KLF2: variants seen among roughly 807,000 people sequenced by gnomAD.
KLF2 encodes Krueppel-like factor 2.
Under a neutral mutation model 22.2 loss-of-function variants are expected in KLF2, and 9 were observed. The observed-to-expected ratio is 0.40, with a 90% CI of 0.24 to 0.71. The LOEUF is 0.71. KLF2 is among the 30% of genes least tolerant of loss of function. KLF2 has a pLI of 0.35. For synonymous variants in KLF2, 299 were observed against 264.2 expected, an observed-to-expected ratio of 1.13 and a Z score of -1.28; for missense variants, 481 against 542.1, an observed-to-expected ratio of 0.89 and a Z score of 1.12.
intron 2 of KLF2, 100 bp downstream of exon 2, chr19:16,326,132 G>C: frequency 1.7e-6 from 2 of 1,199,590 alleles, no homozygotes; most frequent in Non-Finnish European, 2.3e-6. Flanking sequence ...ACCTCCCTTG[G>C]GGCGTGGCTC....
chr19:16,325,285 C>G lies in KLF2; in HGVS notation c.145C>G (p.Leu49Val). ...CCTCAACAGCGTGCTGGACTTCATC[C>G]TGTCCATGGGGCTGGATGGCCTGGG... Reference protein sequence around the residue: ...DDLNSVLDFILSMGLDGLGAE... With the variant: ...DDLNSVLDFIVSMGLDGLGAE... The change falls in exon 2 of 3, where the codon CTG (leucine) becomes GTG (valine). Residue 49 changes from leucine to valine, a missense_variant. Physicochemically the swap from Leu to Val is conservative, Grantham distance 32. Around this residue, in one of 2 missense-constraint regions of KLF2, gnomAD observed 421 missense variants for 435.1 expected, o/e 0.97. Coordinates refer to ENST00000248071, the MANE Select transcript of KLF2 (RefSeq NM_016270.4). The G allele has an allele frequency of 6.5e-7, 1 of 1,536,392 alleles. No homozygotes were observed. The highest frequency in any genetic ancestry group is 8.7e-7 in the Non-Finnish European group (1 of 1,146,302).
At position 16,324,859 on chromosome 19, in the gene KLF2, A is replaced by G; in HGVS notation, c.-65A>G. The G allele has an allele frequency of 7.3e-7, 1 of 1,364,426 alleles. No homozygotes were observed. The highest frequency in any genetic ancestry group is 1.0e-6 in the Non-Finnish European group (1 of 996,750). The allele number at this position is 1,364,426 out of a possible 1,614,324, so 84.5% of individuals were successfully genotyped here. A position where few individuals can be genotyped will look rare whatever the true frequency, so the allele number is the denominator to read the frequency against. On this transcript the variant is annotated 5_prime_UTR_variant, in exon 1 of 3. Transcript: ENST00000248071. The stretch of plus-strand genomic sequence containing the variant: ...GTCCCCGCCCGCCCGCGCCCCGACC[A>G]GCCCGGCCTCGGGCAGCCACTCACC...
Position 16,325,648 on chromosome 19 carries a change from C to T in KLF2, c.508C>T (p.Pro170Ser). 1 of 1,073,034 alleles carries T rather than the reference C, an allele frequency of 9.3e-7. No individual in the cohort carries two copies. The highest frequency in any genetic ancestry group is 1.1e-6 in the Non-Finnish European group (1 of 890,592). 66.5% of individuals were successfully genotyped at this position (1,073,034 alleles called of 1,614,324 possible). A position where few individuals can be genotyped will look rare whatever the true frequency, so the allele number is the denominator to read the frequency against. ...AGGTCCCGGGGGCCGCCCCCCGCCG[C>T]CGCCCGACACACCGCCGCTCAGCCC... ...MRGPGGRPPP[P>S]PDTPPLSPDG... is the part of the protein sequence containing the mutation. Residue 170 changes from proline to serine, a missense_variant, in exon 2 of 3, where the codon CCG (proline) becomes TCG (serine). Physicochemically the swap from Pro to Ser is moderately conservative, Grantham distance 74. Transcript: ENST00000248071.
rs2091896695 is a variant in KLF2, at chr19:16,328,487, C to T, written c.*1456C>T. 1.3e-5 allele frequency among the ~76,000 whole-genome samples: 2 copies of T among 152,120 alleles called. No individual in the cohort carries two copies. Among genetic ancestry groups the T allele is most frequent in the South Asian group, 2.1e-4 (1 of 4,824 alleles). On this transcript the variant is annotated 3_prime_UTR_variant, in exon 3 of 3. Transcript: ENST00000248071. ...AAGTTTCCAGAAAGTGAAAATAGCT[C>T]GTAAGCAGCGCCTGCTTTAAAACAC...
Position 16,325,806 on chromosome 19 carries a change from C to A in KLF2, c.666C>A (p.Phe222Leu). 1 of 1,348,940 alleles carries A rather than the reference C, an allele frequency of 7.4e-7. No homozygotes were observed. Among genetic ancestry groups the A allele is most frequent in the South Asian group, 1.8e-5 (1 of 54,794 alleles). The allele number at this position is 1,348,940 out of a possible 1,614,324, so 83.6% of individuals were successfully genotyped here. The change falls in exon 2 of 3, where the codon TTC (phenylalanine) becomes TTA (leucine). Residue 222 changes from phenylalanine to leucine, a missense_variant. Around this residue, in one of 2 missense-constraint regions of KLF2, gnomAD observed 421 missense variants for 435.1 expected, o/e 0.97. Transcript: ENST00000248071. ...CTGCGCCCCCAGCCTTCGGTCTCTTCGACGACGCGGCCGCCGCCGCGGCAG... is the reference window on the plus strand; with the variant it reads ...CTGCGCCCCCAGCCTTCGGTCTCTTAGACGACGCGGCCGCCGCCGCGGCAG... ...APPAPPAFGL[F>L]DDAAAAAAAL...
chr19:16,328,464 G>T lies in KLF2; in HGVS notation c.*1433G>T, dbSNP rs553931914. ...ACCATGACCACCAACCATTGCACAA[G>T]TTTCCAGAAAGTGAAAATAGCTCGT... On this transcript the variant is annotated 3_prime_UTR_variant, in exon 3 of 3. Coordinates refer to ENST00000248071, the MANE Select transcript of KLF2 (RefSeq NM_016270.4). Among the ~76,000 whole-genome samples the T allele has an allele frequency of 6.6e-6, 1 of 152,142 alleles. No individual in the cohort carries two copies. The highest frequency in any genetic ancestry group is 2.1e-4 in the South Asian group (1 of 4,816).
chr19:16,326,983 C>G lies in KLF2; in HGVS notation c.1020C>G (p.Ala340=), dbSNP rs763410899. 1.2e-6 allele frequency: 2 copies of G among 1,612,880 alleles called. No individual in the cohort carries two copies. Among genetic ancestry groups the G allele is most frequent in the Non-Finnish European group, 1.7e-6 (2 of 1,179,714 alleles). Residue 340 remains alanine (A), a synonymous_variant, in exon 3 of 3, where the codon GCC becomes GCG. Transcript: ENST00000248071. ...TCCAGTGCCATCTGTGCGATCGTGC[C>G]TTCTCGCGCTCCGATCACCTGGCGC... is the stretch of plus-strand genomic sequence containing the variant. The part of the protein sequence containing the change: ...RPFQCHLCDR[A]FSRSDHLALH...
intron 2 of KLF2, 100 bp from the exon 3 acceptor site, chr19:16,326,756 G>T (rs1368871102): frequency 8.2e-7 from 1 of 1,220,250 alleles, no homozygotes; most frequent in Non-Finnish European, 1.1e-6. Flanking sequence ...CGGGGAGCGC[G>T]TCAAGGCCCT....
At position 16,325,430 on chromosome 19, in the gene KLF2, G is replaced by C; in HGVS notation, c.290G>C (p.Arg97Pro). The change falls in exon 2 of 3, where the codon CGA becomes CCA. Residue 97 changes from arginine to proline, a missense_variant. By Grantham distance (103) the Arg-to-Pro change is moderately radical. This residue lies in a region of KLF2 where 421 missense variants were observed against 435.1 expected (regional missense o/e 0.97). Transcript: ENST00000248071. Reference protein sequence around the residue: ...PAGGLVSELLRPELDAPLGPA... With the variant: ...PAGGLVSELLPPELDAPLGPA... ...GGTGGCCTGGTGTCTGAGCTGCTGC[G>C]ACCCGAGCTGGATGCGCCGCTGGGG... is the stretch of plus-strand genomic sequence containing the variant. 2 of 1,418,332 alleles carry C rather than the reference G, an allele frequency of 1.4e-6. No individual in the cohort carries two copies. The highest frequency in any genetic ancestry group is 1.8e-6 in the Non-Finnish European group (2 of 1,095,756). The allele number at this position is 1,418,332 out of a possible 1,614,324, so 87.9% of individuals were successfully genotyped here.
At position 16,324,973 on chromosome 19, in the gene KLF2, C is replaced by T; in HGVS notation, c.50C>T (p.Pro17Leu). The T allele has an allele frequency of 2.5e-6, 4 of 1,601,596 alleles. No homozygotes were observed. Among genetic ancestry groups the T allele is most frequent in the Non-Finnish European group, 3.4e-6 (4 of 1,175,180 alleles). ...CCGTCCTTCTCCACTTTCGCCAGCC[C>T]GTGCCGCGAGCGCGGCCTGCAGGAG... ...ILPSFSTFAS[P>L]CRERGLQERW... is the part of the protein sequence containing the mutation. The change falls in exon 1 of 3, where the codon CCG (proline) becomes CTG (leucine). Residue 17 changes from proline (P) to leucine (L), a missense_variant. Pro to Leu is a moderately conservative substitution (Grantham distance 98, BLOSUM62 -3). Transcript: ENST00000248071.
At chr19:16,326,391 G>T (rs974592200) in intron 2 of KLF2, among the ~76,000 whole-genome samples, 1 of 152,042 alleles carries the variant, frequency 6.6e-6, no homozygotes, top group Admixed American at 6.6e-5. Context: ...GAGCCGCTGG[G>T]CACTTGGCTC....
Position 16,327,044 on chromosome 19 carries a change from CG to C in KLF2, c.*14del. 2 of 1,555,128 alleles carry C rather than the reference CG, an allele frequency of 1.3e-6. No individual in the cohort carries two copies. Among genetic ancestry groups the C allele is most frequent in the Non-Finnish European group, 1.7e-6 (2 of 1,148,578 alleles). On this transcript the variant is annotated 3_prime_UTR_variant, in exon 3 of 3. Transcript: ENST00000248071. ...ACGGCACATGTAGCCGGGACGCCCC[CG>C]CCCACCTGCGCGCGGCCGTGGCGGG... is the stretch of plus-strand genomic sequence containing the variant.
Position 16,327,492 on chromosome 19 carries a change from G to T in KLF2, c.*461G>T. 6.5e-6 allele frequency: 1 copy of T among 152,838 alleles called. No homozygotes were observed. The allele number at this position is 152,838 out of a possible 1,614,324, so 9.5% of individuals were successfully genotyped here. A position where few individuals can be genotyped will look rare whatever the true frequency, so the allele number is the denominator to read the frequency against. On this transcript the variant is annotated 3_prime_UTR_variant, in exon 3 of 3. Coordinates refer to ENST00000248071, the MANE Select transcript of KLF2 (RefSeq NM_016270.4). ...CGTTTTTATAAGATTTTGCTGGGTTGGTTTTTTTTTTAATTAAAAAGTTTT... is the reference window on the plus strand; with the variant it reads ...CGTTTTTATAAGATTTTGCTGGGTTTGTTTTTTTTTTAATTAAAAAGTTTT...
rs1363421924 is a variant in KLF2, at chr19:16,327,151, G to T, written c.*120G>T. The T allele has an allele frequency of 3.1e-6, 3 of 971,734 alleles. No individual in the cohort carries two copies. Among genetic ancestry groups the T allele is most frequent in the African/African-American group, 3.3e-5 (2 of 59,782 alleles). 60.2% of individuals were successfully genotyped at this position (971,734 alleles called of 1,614,324 possible). A position where few individuals can be genotyped will look rare whatever the true frequency, so the allele number is the denominator to read the frequency against. Reference sequence around the variant, plus strand: ...AGAGAACCGGGCCGGGCACAGCGTGGCTACAGAGGGTCTCCCTCGATGACG... The same window carrying T: ...AGAGAACCGGGCCGGGCACAGCGTGTCTACAGAGGGTCTCCCTCGATGACG... On this transcript the variant is annotated 3_prime_UTR_variant, in exon 3 of 3. Coordinates refer to ENST00000248071, the MANE Select transcript of KLF2 (RefSeq NM_016270.4).
At position 16,324,882 on chromosome 19, in the gene KLF2, A is replaced by C; in HGVS notation, c.-42A>C. ...CCAGCCCGGCCTCGGGCAGCCACTC[A>C]CCGGTGTCCCCGTCCGCGTCCTTTC... On this transcript the variant is annotated 5_prime_UTR_variant, in exon 1 of 3. Coordinates refer to ENST00000248071, the MANE Select transcript of KLF2 (RefSeq NM_016270.4). 1 of 1,525,382 alleles carries C rather than the reference A, an allele frequency of 6.6e-7. No homozygotes were observed. Among genetic ancestry groups the C allele is most frequent in the Non-Finnish European group, 8.9e-7 (1 of 1,121,564 alleles). 94.5% of individuals were successfully genotyped at this position (1,525,382 alleles called of 1,614,324 possible). A position where few individuals can be genotyped will look rare whatever the true frequency, so the allele number is the denominator to read the frequency against.
rs1428332656 is a variant in KLF2, at chr19:16,325,000, TGAGGGCGGC to T, written c.75+4_75+12del. The stretch of plus-strand genomic sequence containing the variant: ...TGCCGCGAGCGCGGCCTGCAGGAGG[TGAGGGCGGC>T]GGGGACGGCGGGGCGGCCGGGACCG... On this transcript the variant is annotated splice_donor_5th_base_variant and intron_variant, in intron 1 of 2. Transcript: ENST00000248071. 1 of 1,586,806 alleles carries T rather than the reference TGAGGGCGGC, an allele frequency of 6.3e-7. No individual in the cohort carries two copies. The highest frequency in any genetic ancestry group is 8.6e-7 in the Non-Finnish European group (1 of 1,168,400).
chr19:16,326,494 C>T (rs1317843179), intron 2 of KLF2, among the ~76,000 whole-genome samples: 1 of 151,858 alleles, frequency 6.6e-6, no homozygotes, highest in Non-Finnish European at 1.5e-5. Context: ...TTGGGGAGGG[C>T]GCTCAGGCTT....
chr19:16,326,095 C>A, intron 2 of KLF2, 63 bp downstream of exon 2: 1 of 1,455,066 alleles, frequency 6.9e-7, no homozygotes, highest in Non-Finnish European at 9.2e-7. Context: ...GTCGGATTCC[C>A]AGCGCGCGCC....
Position 16,325,543 on chromosome 19 carries a change from G to A in KLF2, c.403G>A (p.Gly135Ser), listed in dbSNP as rs1448453898. Residue 135 changes from glycine to serine, a missense_variant, in exon 2 of 3, where the codon GGC becomes AGC. Transcript: ENST00000248071. Reference sequence around the variant, plus strand: ...TGAAGCGGACGGCGGCGGCGGCTACGGCTGCGCCCCCGGGCTGACCCGTGG... The same window carrying A: ...TGAAGCGGACGGCGGCGGCGGCTACAGCTGCGCCCCCGGGCTGACCCGTGG... Reference protein sequence around the residue: ...PPEADGGGGYGCAPGLTRGPR... With the variant: ...PPEADGGGGYSCAPGLTRGPR... The A allele has an allele frequency of 2.0e-5, 25 of 1,254,314 alleles. No individual in the cohort carries two copies. The highest frequency in any genetic ancestry group is 2.5e-5 in the Non-Finnish European group (25 of 1,001,572). The allele number at this position is 1,254,314 out of a possible 1,614,324, so 77.7% of individuals were successfully genotyped here. A position where few individuals can be genotyped will look rare whatever the true frequency, so the allele number is the denominator to read the frequency against.
Sources: allele counts gnomAD v4.1 joint callset (sites outside exome capture counted in the v4.1 genomes callset), GRCh38; gene constraint gnomAD v4.1.1; regional missense constraint gnomAD v4.1.1; transcripts MANE v1.5; gene names NCBI Gene and HGNC (gene_info 2026-07-23, HGNC 2026-07-21).